PDE4D: variants seen among roughly 807,000 people sequenced by gnomAD.
The protein encoded by PDE4D is 3',5'-cyclic-AMP phosphodiesterase 4D.
PDE4D carries 24 observed loss-of-function variants against 87.4 expected under a neutral mutation model. That is an observed-to-expected ratio of 0.27 (90% confidence interval 0.20 to 0.39). PDE4D has a LOEUF of 0.39. PDE4D is among the 10% of genes least tolerant of loss of function. The probability of loss-of-function intolerance (pLI) is 1.00; values close to 1 mark genes in which losing one functional copy is unlikely to be tolerated. For missense variants in PDE4D, 714 were observed against 1,041.0 expected, an observed-to-expected ratio of 0.69 and a Z score of 4.32; for synonymous variants, 384 against 383.2, an observed-to-expected ratio of 1.00 and a Z score of -0.02.
At chr5:60,192,215 A>G (rs1008418294) in intron 1 of PDE4D, among the ~76,000 whole-genome samples, 1 of 152,148 alleles carries the variant, frequency 6.6e-6, no homozygotes, top group Non-Finnish European at 1.5e-5. Context: ...CAATCTCACT[A>G]TTAATAAAAT....
chr5:59,493,666 G>T (rs775382541), intron 1 of PDE4D, among the ~76,000 whole-genome samples: 11 of 152,150 alleles, frequency 7.2e-5, no homozygotes, highest in Non-Finnish European at 1.6e-4. Context: ...AGGTGTCCTG[G>T]TGATTTAAAT....
chr5:59,512,044 T>C (rs1187412020), intron 1 of PDE4D, among the ~76,000 whole-genome samples: 1 of 152,154 alleles, frequency 6.6e-6, no homozygotes, highest in African/African-American at 2.4e-5. Flanking sequence ...ATGTCTAAAC[T>C]TTTGACTGTA....
intron 1 of PDE4D, among the ~76,000 whole-genome samples, chr5:59,691,362 C>T (rs1750885648): frequency 6.6e-6 from 1 of 151,998 alleles, no homozygotes; most frequent in Admixed American, 6.6e-5. Context: ...AAATGTGGCA[C>T]ATATACACCA....
At chr5:59,287,893 G>A (rs926391593) in intron 1 of PDE4D, among the ~76,000 whole-genome samples, 5 of 152,090 alleles carry the variant, frequency 3.3e-5, no homozygotes, top group Admixed American at 6.6e-5. Context: ...CAGTGTTACT[G>A]GGCTTGGAGT....
chr5:60,369,696 G>C (rs1337184078), intron 1 of PDE4D, among the ~76,000 whole-genome samples: 1 of 152,090 alleles, frequency 6.6e-6, no homozygotes, highest in African/African-American at 2.4e-5. Context: ...ATTGAGGCTT[G>C]TCTGCTTCTA....
intron 1 of PDE4D, among the ~76,000 whole-genome samples, chr5:59,873,286 A>G (rs1158528376): frequency 6.6e-6 from 1 of 152,194 alleles, no homozygotes; most frequent in Admixed American, 6.5e-5. Flanking sequence ...AGTCAGGGGG[A>G]TGACTGGGCA....
intron 3 of PDE4D, among the ~76,000 whole-genome samples, chr5:59,953,555 A>G (rs1379853139): frequency 6.6e-6 from 1 of 152,202 alleles, no homozygotes; most frequent in East Asian, 1.9e-4. Context: ...CCTCAGTTAT[A>G]TTCTTCAGTA....
chr5:59,756,194 A>G (rs1761191651), intron 1 of PDE4D, among the ~76,000 whole-genome samples: 2 of 151,174 alleles, frequency 1.3e-5, no homozygotes, highest in Admixed American at 1.3e-4. Flanking sequence ...TTTTTTTTGC[A>G]AATTTCTCAA....
chr5:59,302,447 G>A (rs1224687898), intron 1 of PDE4D, among the ~76,000 whole-genome samples: 2 of 152,024 alleles, frequency 1.3e-5, no homozygotes, highest in Non-Finnish European at 2.9e-5. Context: ...GTTCTTTAGT[G>A]GTGATTTGTG....
At chr5:59,157,368 G>T in intron 5 of PDE4D, 1 of 702,336 alleles carries the variant, frequency 1.4e-6, no homozygotes, top group Non-Finnish European at 2.6e-6. Flanking sequence ...GGATCCTAAG[G>T]AAAAAGACAT....
At chr5:59,769,990 A>G (rs1763282332) in intron 1 of PDE4D, among the ~76,000 whole-genome samples, 1 of 152,142 alleles carries the variant, frequency 6.6e-6, no homozygotes, top group Non-Finnish European at 1.5e-5. Flanking sequence ...AGAAAAGTGT[A>G]CTCTGAGGTT....
intron 1 of PDE4D, among the ~76,000 whole-genome samples, chr5:59,647,653 A>G: frequency 6.6e-6 from 1 of 152,170 alleles, no homozygotes; most frequent in East Asian, 1.9e-4. Flanking sequence ...GAAGGTTTAC[A>G]GAGAACAAAG....
At chr5:59,597,273 A>C (rs1826835730) in intron 1 of PDE4D, among the ~76,000 whole-genome samples, 1 of 152,214 alleles carries the variant, frequency 6.6e-6, no homozygotes, top group South Asian at 2.1e-4. Context: ...TTGAATAGCT[A>C]CAATGAATGA....
At chr5:60,508,332 T>C (rs1750415424) in intron 1 of PDE4D, among the ~76,000 whole-genome samples, 3 of 152,214 alleles carry the variant, frequency 2.0e-5, no homozygotes. Context: ...TGAGAATTCC[T>C]TGGGAGCAAA....
At position 59,513,779 on chromosome 5, in the gene PDE4D, A is replaced by T. The variant is rs556701323; in HGVS notation, c.456-297811T>A. Among the ~76,000 whole-genome samples, 216 of 152,324 alleles carry T rather than the reference A, an allele frequency of 1.4e-3. 1 individual carries two copies. The highest frequency in any genetic ancestry group is 4.9e-3 in the African/African-American group (205 of 41,582). ...CAAACTGAGTGGTAACAAAATAAAC[A>T]CGCTTCATTGTGGACCACAGGATTT... On this transcript the variant is annotated intron_variant, in intron 1 of 14. Transcript: ENST00000340635.
At chr5:60,278,735 T>C (rs1395482836) in intron 1 of PDE4D, among the ~76,000 whole-genome samples, 1 of 152,142 alleles carries the variant, frequency 6.6e-6, no homozygotes, top group African/African-American at 2.4e-5. Context: ...ACGTGGCTCA[T>C]CTTTTTCTCT....
chr5:59,795,834 A>G (rs1224509912), intron 1 of PDE4D, among the ~76,000 whole-genome samples: 4 of 152,312 alleles, frequency 2.6e-5, no homozygotes, highest in African/African-American at 9.6e-5. Flanking sequence ...GAGGTAATCG[A>G]GTTAAAATAA....
chr5:59,072,868 A>G (rs950447), intron 5 of PDE4D, among the ~76,000 whole-genome samples: 4,205 of 152,226 alleles, frequency 0.028, 231 homozygotes, highest in African/African-American at 0.097. Context: ...TTAGCCATTG[A>G]CCTGCAATAT....
chr5:59,868,384 T>C (rs1747351853), intron 1 of PDE4D, among the ~76,000 whole-genome samples: 1 of 152,176 alleles, frequency 6.6e-6, no homozygotes, highest in South Asian at 2.1e-4. Context: ...CCGTATTCAA[T>C]CTGTTATGAA....
Sources: allele counts gnomAD v4.1 joint callset (sites outside exome capture counted in the v4.1 genomes callset), GRCh38; gene constraint gnomAD v4.1.1; transcripts MANE v1.5; gene names NCBI Gene and HGNC (gene_info 2026-07-23, HGNC 2026-07-21).